The following GC variants were observed in gnomAD, a reference collection of about 807,000 sequenced individuals.
The protein encoded by GC is GC vitamin D binding protein.
GC carries 43 observed loss-of-function variants against 56.7 expected under a neutral mutation model. That is an observed-to-expected ratio of 0.76 (90% CI 0.59 to 0.98). GC has a LOEUF of 0.98. Among genes scored for constraint, GC ranks in the 50% least tolerant of loss-of-function variants. The pLI is 0.00. For missense variants in GC, 529 were observed against 545.9 expected (o/e 0.97, Z 0.31); for synonymous variants, 216 against 202.7 (o/e 1.07, Z -0.56).
At chr4:71,747,942 T>C (rs1741428803) in intron 11 of GC, among the ~76,000 whole-genome samples, 1 of 152,174 alleles carries the variant, frequency 6.6e-6, no homozygotes, top group Non-Finnish European at 1.5e-5. Flanking sequence ...TACTTAAAAA[T>C]AATTTTGGAT....
At position 71,752,533 on chromosome 4, in the gene GC, A is replaced by T. The variant is rs781534238; in HGVS notation, c.1380T>A (p.Leu460=). The part of the protein sequence containing the change: ...SNCCSINSPP[L]YCDSEIDAEL... ...ATTTTCCTACCTCTGAATCACAGTA[A>T]AGAGGAGGTGAGTTTATGGAACAGC... Residue 460 remains leucine, a synonymous_variant, in exon 11 of 13, where the codon CTT becomes CTA. Coordinates refer to ENST00000273951, the MANE Select transcript of GC (RefSeq NM_000583.4). The T allele has an allele frequency of 1.2e-6, 2 of 1,613,042 alleles. No individual in the cohort carries two copies. Among genetic ancestry groups the T allele is most frequent in the Non-Finnish European group, 1.7e-6 (2 of 1,179,470 alleles).
intron 1 of GC, among the ~76,000 whole-genome samples, chr4:71,772,863 T>G (rs933450989): frequency 5.3e-5 from 8 of 152,068 alleles, no homozygotes; most frequent in Non-Finnish European, 1.5e-5. Flanking sequence ...ATAAAATAAT[T>G]TTATAAATTC....
intron 6 of GC, among the ~76,000 whole-genome samples, chr4:71,762,588 T>A (rs558749087): frequency 6.6e-6 from 1 of 152,234 alleles, no homozygotes; most frequent in South Asian, 2.1e-4. Context: ...CCCACACAAA[T>A]CTCATCTTGA....
At chr4:71,784,605 G>T (rs936901278), upstream of GC, among the ~76,000 whole-genome samples, 7 of 151,784 alleles carry the variant, frequency 4.6e-5, no homozygotes, top group Admixed American at 4.6e-4. Context: ...CTGATGCTAT[G>T]AAGTAATCTT....
intron 6 of GC, among the ~76,000 whole-genome samples, chr4:71,758,418 C>T (rs10488854): frequency 0.055 from 8,332 of 152,216 alleles, 551 homozygotes; most frequent in East Asian, 0.19. Flanking sequence ...GCCAGATATA[C>T]ATAGTGAAAG....
intron 1 of GC, among the ~76,000 whole-genome samples, chr4:71,771,771 AAAGGTT>A (rs1424583726): frequency 6.6e-6 from 1 of 152,200 alleles, no homozygotes; most frequent in Non-Finnish European, 1.5e-5. Flanking sequence ...GACACGTTCA[AAAGGTT>A]AAGCAAGGCA....
At chr4:71,782,031 A>T (rs77686364) in intron 1 of GC, among the ~76,000 whole-genome samples, 1,537 of 151,880 alleles carry the variant, frequency 0.01, 29 homozygotes, top group African/African-American at 0.036. Context: ...AACCTTTAGG[A>T]CGACAAAGGC....
intron 12 of GC, among the ~76,000 whole-genome samples, chr4:71,744,078 A>G (rs1322645046): frequency 6.6e-6 from 1 of 152,122 alleles, no homozygotes; most frequent in African/African-American, 2.4e-5. Flanking sequence ...AACCAGAAGA[A>G]TCAGTATATT....
chr4:71,791,744 G>A (rs1035285852), intron 1 of GC, among the ~76,000 whole-genome samples: 1 of 151,624 alleles, frequency 6.6e-6, no homozygotes, highest in Non-Finnish European at 1.5e-5. Flanking sequence ...GTATATGTGT[G>A]CCATGTTGGT....
At position 71,768,319 on chromosome 4, in the gene GC, A is replaced by G. The variant is rs770969339; in HGVS notation, c.243T>C (p.Pro81=). The change falls in exon 3 of 13, where the codon CCT becomes CCC. Residue 81 remains proline, a synonymous_variant. Transcript: ENST00000273951. ...TEACCAEGAD[P]DCYDTRTSAL... is the part of the protein sequence containing the mutation. The stretch of plus-strand genomic sequence containing the variant: ...AACCTACCCTGGTGTCATAGCAGTC[A>G]GGGTCAGCCCCTTCCGCACAGCAGG... The G allele has an allele frequency of 1.3e-5, 21 of 1,608,608 alleles. No individual in the cohort carries two copies. The South Asian group carries it at 2.0e-4, about 15-fold the overall frequency.
chr4:71,752,207 T>C (rs181996871), intron 11 of GC, among the ~76,000 whole-genome samples: 6 of 152,310 alleles, frequency 3.9e-5, no homozygotes, highest in Non-Finnish European at 8.8e-5. Context: ...AATAGGCTGT[T>C]ACTAGGTTAC....
intron 1 of GC, among the ~76,000 whole-genome samples, chr4:71,779,569 G>A (rs72607829): frequency 0.068 from 10,365 of 151,888 alleles, 458 homozygotes; most frequent in East Asian, 0.22. Context: ...ATAGGAGAGA[G>A]AGAGAAGAAG....
At chr4:71,745,653 T>A (rs561991017) in intron 12 of GC, among the ~76,000 whole-genome samples, 35 of 125,868 alleles carry the variant, frequency 2.8e-4, no homozygotes, top group African/African-American at 1.2e-3. Context: ...TGGAATAAAC[T>A]ATTTTATGTT....
chr4:71,799,564 G>C (rs1289566409), intron 1 of GC, among the ~76,000 whole-genome samples: 2 of 152,086 alleles, frequency 1.3e-5, no homozygotes, highest in South Asian at 4.2e-4. Context: ...GGTAAGCCAG[G>C]GGGACCTGGG....
At chr4:71,743,915 T>A (rs1008570270) in intron 12 of GC, among the ~76,000 whole-genome samples, 1 of 152,148 alleles carries the variant, frequency 6.6e-6, no homozygotes, top group East Asian at 1.9e-4. Context: ...GAGTAATCCA[T>A]CCAGATGATC....
rs1330707054 is a variant in GC, at chr4:71,763,505, AGAAAACAAGT to A, written c.607-13_607-4del. 1.3e-6 allele frequency: 2 copies of A among 1,549,994 alleles called. No individual in the cohort carries two copies. Among genetic ancestry groups the A allele is most frequent in the Non-Finnish European group, 1.8e-6 (2 of 1,123,006 alleles). On this transcript the variant is annotated splice_region_variant and splice_polypyrimidine_tract_variant and intron_variant, in intron 5 of 12. Transcript: ENST00000273951. The stretch of plus-strand genomic sequence containing the variant: ...GATAAATGTTTAAGCTGGAGTCTCT[AGAAAACAAGT>A]GAAAGAATCTCATTATATGGTCAAG...
chr4:71,746,254 T>C (rs1741360175), intron 11 of GC, 49 bp from the exon 12 acceptor site: 3 of 871,068 alleles, frequency 3.4e-6, no homozygotes, highest in Non-Finnish European at 5.8e-6. Flanking sequence ...ATTTCATTTG[T>C]AGGCTACTAG....
At chr4:71,768,564 G>A in intron 2 of GC, 131 bp from the exon 3 acceptor site, 1 of 662,274 alleles carries the variant, frequency 1.5e-6, no homozygotes, top group Non-Finnish European at 2.4e-6. Flanking sequence ...TGCCTCCCAG[G>A]TTCAAGCAAT....
At chr4:71,771,324 G>C (rs1742334788) in intron 1 of GC, among the ~76,000 whole-genome samples, 1 of 151,690 alleles carries the variant, frequency 6.6e-6, no homozygotes, top group Non-Finnish European at 1.5e-5. Context: ...ATACAGACTT[G>C]AAAGGGTTGT....
Sources: gnomAD v4.1 joint callset for allele counts (sites outside exome capture counted in the v4.1 genomes callset) on GRCh38, gnomAD v4.1.1 for gene constraint, MANE v1.5 for transcripts, NCBI Gene and HGNC (gene_info 2026-07-23, HGNC 2026-07-21) for gene names.